Variants in EFCAB5 observed in about 807,000 individuals in gnomAD.
The protein encoded by EFCAB5 is EF-hand calcium-binding domain-containing protein 5.
EFCAB5 carries 131 observed loss-of-function variants against 167.9 expected under a neutral mutation model. The observed-to-expected ratio is 0.78, with a 90% CI of 0.68 to 0.90. The LOEUF (loss-of-function observed/expected upper bound fraction) is 0.90, where lower values mean the gene tolerates loss of function less well. Among genes scored for constraint, EFCAB5 ranks in the 40% least tolerant of loss-of-function variants. The pLI is 0.00. For missense variants in EFCAB5, 1,663 were observed against 1,745.2 expected, an observed-to-expected ratio of 0.95 and a Z score of 0.84; for synonymous variants, 574 against 602.8, an observed-to-expected ratio of 0.95 and a Z score of 0.70.
At chr17:30,049,935 G>A (rs917471685) in intron 8 of EFCAB5, among the ~76,000 whole-genome samples, 9 of 152,118 alleles carry the variant, frequency 5.9e-5, no homozygotes, top group Non-Finnish European at 7.4e-5. Context: ...GCAGCATTAC[G>A]TTGATATCAA....
intron 14 of EFCAB5, chr17:30,069,335 C>G (rs2070665698): frequency 6.4e-7 from 1 of 1,553,140 alleles, no homozygotes; most frequent in Non-Finnish European, 8.9e-7. Context: ...AATGTTTGAA[C>G]AGGAAAATCA....
At chr17:29,931,685 C>T (rs1291080995) in intron 1 of EFCAB5, among the ~76,000 whole-genome samples, 1 of 152,156 alleles carries the variant, frequency 6.6e-6, no homozygotes, top group Non-Finnish European at 1.5e-5. Flanking sequence ...TGAACCAATG[C>T]ATGGGAGACC....
chr17:30,019,829 TTTTG>T (rs2069132384), intron 7 of EFCAB5, among the ~76,000 whole-genome samples: 1 of 152,314 alleles, frequency 6.6e-6, no homozygotes, highest in Admixed American at 6.5e-5. Flanking sequence ...TCAGTTGTGC[TTTTG>T]TTCTTCATCT....
chr17:30,035,478 G>C (rs549223556), intron 8 of EFCAB5, among the ~76,000 whole-genome samples: 5 of 152,260 alleles, frequency 3.3e-5, no homozygotes, highest in African/African-American at 9.6e-5. Context: ...CTGGGTCTGA[G>C]CATTAAACTG....
At chr17:30,087,243 T>A in intron 19 of EFCAB5, 77 bp downstream of exon 19, 1 of 1,203,858 alleles carries the variant, frequency 8.3e-7, no homozygotes, top group Non-Finnish European at 1.2e-6. Context: ...AGACACAGCT[T>A]CTGACTCTTG....
chr17:30,023,420 A>T (rs2069233634), intron 7 of EFCAB5, among the ~76,000 whole-genome samples: 1 of 152,182 alleles, frequency 6.6e-6, no homozygotes, highest in East Asian at 1.9e-4. Flanking sequence ...CAAATAAACT[A>T]GAAAATCTAG....
intron 22 of EFCAB5, 62 bp from the exon 23 acceptor site, chr17:30,107,772 T>C (rs1277714749): frequency 1.5e-6 from 2 of 1,329,594 alleles, no homozygotes; most frequent in Non-Finnish European, 2.0e-6. Flanking sequence ...TTAGAACTTA[T>C]AATTTTAATA....
intron 7 of EFCAB5, among the ~76,000 whole-genome samples, chr17:30,021,286 C>T (rs570861802): frequency 4.6e-4 from 68 of 148,606 alleles, no homozygotes; most frequent in Non-Finnish European, 7.9e-4. Context: ...TCACCTTTAC[C>T]CCATTTTCTC....
rs143673231 is a variant in EFCAB5, at chr17:30,037,016, A to T, written c.1200+2631A>T. On this transcript the variant is annotated intron_variant, in intron 8 of 22. Transcript: ENST00000394835. Reference sequence around the variant, plus strand: ...ATCATGGTTGGAGATTGAGGGCAACATTATTGATACCCCTGGAAATTCCAG... The same window carrying T: ...ATCATGGTTGGAGATTGAGGGCAACTTTATTGATACCCCTGGAAATTCCAG... Among the ~76,000 whole-genome samples the T allele has an allele frequency of 7.0e-3, 1,064 of 152,310 alleles. 7 individuals are homozygous for T. Among genetic ancestry groups the T allele is most frequent in the Middle Eastern group, 0.014 (4 of 294 alleles).
chr17:30,022,268 G>T (rs936134104), intron 7 of EFCAB5, among the ~76,000 whole-genome samples: 2 of 152,082 alleles, frequency 1.3e-5, no homozygotes, highest in African/African-American at 4.8e-5. Flanking sequence ...TGTTGTATGG[G>T]AGTGTGTCTG....
chr17:29,984,516 G>A (rs919602943), intron 4 of EFCAB5, among the ~76,000 whole-genome samples: 3 of 152,016 alleles, frequency 2.0e-5, no homozygotes, highest in Non-Finnish European at 4.4e-5. Context: ...TCAGGAGATT[G>A]AGACCAGCCT....
chr17:30,003,731 T>C (rs543848095), intron 7 of EFCAB5, among the ~76,000 whole-genome samples: 1 of 152,362 alleles, frequency 6.6e-6, no homozygotes, highest in Admixed American at 6.5e-5. Flanking sequence ...TGTTGAATTA[T>C]TTTTATAGTG....
chr17:29,970,010 G>C (rs2067916292), intron 4 of EFCAB5, among the ~76,000 whole-genome samples: 1 of 151,934 alleles, frequency 6.6e-6, no homozygotes, highest in Non-Finnish European at 1.5e-5. Context: ...TCAGGATTTT[G>C]AGGCACTGTT....
chr17:30,003,979 C>T (rs1488044928), intron 7 of EFCAB5, among the ~76,000 whole-genome samples: 1 of 152,206 alleles, frequency 6.6e-6, no homozygotes, highest in Non-Finnish European at 1.5e-5. Context: ...CATGCAGACA[C>T]ATTGAAGGGT....
chr17:29,998,925 G>A (rs1173902970), intron 6 of EFCAB5, among the ~76,000 whole-genome samples: 1 of 151,966 alleles, frequency 6.6e-6, no homozygotes. Context: ...TTGAACTAAC[G>A]GTCACATTCA....
chr17:30,086,446 C>T (rs138272176), intron 18 of EFCAB5, among the ~76,000 whole-genome samples: 8 of 152,030 alleles, frequency 5.3e-5, no homozygotes, highest in African/African-American at 1.4e-4. Context: ...GTCCCAATAG[C>T]GAAGTGAAGA....
intron 14 of EFCAB5, chr17:30,069,284 G>C (rs1384562725): frequency 1.3e-6 from 2 of 1,492,166 alleles, no homozygotes; most frequent in South Asian, 1.1e-5. Context: ...AACATGGGGA[G>C]ATGGCAAAGG....
At chr17:29,997,870 C>T (rs148767555) in intron 6 of EFCAB5, among the ~76,000 whole-genome samples, 38 of 151,918 alleles carry the variant, frequency 2.5e-4, no homozygotes, top group Non-Finnish European at 4.9e-4. Flanking sequence ...CAGCACCACC[C>T]CTATGGAGAG....
rs748673062 is a variant in EFCAB5, at chr17:30,087,070, A to T, written c.3587A>T (p.Asp1196Val). ...FVEPSPAQDS[D>V]YVLRNMMVTG... ...TGCCTTCCTCTTTTCAAGGATTCAG[A>T]CTATGTTTTACGCAACATGATGGTT... is the stretch of plus-strand genomic sequence containing the variant. The change falls in exon 19 of 23, where the codon GAC becomes GTC. Residue 1196 changes from aspartate (D) to valine (V), a missense_variant. By Grantham distance (152) the Asp-to-Val change is radical. Transcript: ENST00000394835. The T allele has an allele frequency of 1.1e-5, 18 of 1,613,316 alleles. No individual in the cohort carries two copies. The highest frequency in any genetic ancestry group is 1.4e-5 in the Non-Finnish European group (17 of 1,179,544).
Sources: allele counts gnomAD v4.1 joint callset (sites outside exome capture counted in the v4.1 genomes callset), GRCh38; gene constraint gnomAD v4.1.1; transcripts MANE v1.5; gene names NCBI Gene and HGNC (gene_info 2026-07-23, HGNC 2026-07-21).